NTRK2: variants seen among roughly 807,000 people sequenced by gnomAD.
NTRK2 encodes the protein BDNF/NT-3 growth factors receptor.
NTRK2 carries 13 observed loss-of-function variants against 94.5 expected under a neutral mutation model. The observed-to-expected ratio is 0.14, with a 90% CI of 0.09 to 0.22. The LOEUF is 0.22. Ranked by LOEUF, NTRK2 falls within the 10% of genes least tolerant of loss-of-function variation. NTRK2 has a pLI of 1.00. For missense variants in NTRK2, 639 were observed against 1,071.2 expected (o/e 0.60, Z 5.63); for synonymous variants, 372 against 407.4 (o/e 0.91, Z 1.05).
At chr9:84,682,371 A>G (rs1030088535) in intron 2 of NTRK2, among the ~76,000 whole-genome samples, 2 of 152,194 alleles carry the variant, frequency 1.3e-5, no homozygotes, top group African/African-American at 4.8e-5. Flanking sequence ...TCAGAAATGC[A>G]AGCAGCGCAA....
At chr9:84,684,595 G>A (rs976472985) in intron 2 of NTRK2, among the ~76,000 whole-genome samples, 9 of 152,122 alleles carry the variant, frequency 5.9e-5, no homozygotes, top group African/African-American at 2.2e-4. Flanking sequence ...ACATCATTTT[G>A]TTCTCCCACA....
chr9:84,724,461 T>A, intron 8 of NTRK2, 105 bp downstream of exon 8: 1 of 1,329,958 alleles, frequency 7.5e-7, no homozygotes, highest in Non-Finnish European at 1.1e-6. Context: ...TTAAAAAAAG[T>A]ATATGCAGTG....
chr9:84,858,260 G>C (rs1424829995), intron 12 of NTRK2, among the ~76,000 whole-genome samples: 2 of 151,884 alleles, frequency 1.3e-5, no homozygotes, highest in African/African-American at 4.8e-5. Flanking sequence ...CCATAATCCT[G>C]ATTTCACCCT....
chr9:84,898,102 C>T (rs527268967), intron 14 of NTRK2, among the ~76,000 whole-genome samples: 7 of 149,172 alleles, frequency 4.7e-5, no homozygotes, highest in Non-Finnish European at 8.9e-5. Context: ...GCTTTGAAAA[C>T]CATCTTTATA....
intron 12 of NTRK2, among the ~76,000 whole-genome samples, chr9:84,817,113 A>AGGCCAG (rs1164594849): frequency 9.9e-5 from 15 of 152,222 alleles, no homozygotes; most frequent in Non-Finnish European, 1.5e-4. Flanking sequence ...GCTCAGGTAA[A>AGGCCAG]GCCCTTGGCA....
At chr9:84,694,688 A>G (rs981484595) in intron 2 of NTRK2, among the ~76,000 whole-genome samples, 5 of 152,126 alleles carry the variant, frequency 3.3e-5, no homozygotes, top group African/African-American at 7.2e-5. Flanking sequence ...TATGAAAGAA[A>G]CCTTAGAGCA....
chr9:84,698,384 AAT>A (rs10568238), intron 2 of NTRK2, among the ~76,000 whole-genome samples: 84,552 of 149,924 alleles, frequency 0.56, 23,917 homozygotes, highest in East Asian at 0.67. Flanking sequence ...GATTTAATCT[AAT>A]ATATATATAT....
At position 85,025,247 on chromosome 9, in the gene NTRK2, A is replaced by G. The variant is rs1207979767; in HGVS notation, c.*3810A>G. On this transcript the variant is annotated 3_prime_UTR_variant, in exon 19 of 19. Transcript: ENST00000277120. The stretch of plus-strand genomic sequence containing the variant: ...TGCTTTCTCTGGCTCCTTGCAAAGA[A>G]AGATACTTTTTGTAATGGTCCAGGA... 8.6e-6 allele frequency: 2 copies of G among 233,104 alleles called. No homozygotes were observed. Among genetic ancestry groups the G allele is most frequent in the Non-Finnish European group, 1.7e-5 (2 of 117,996 alleles). 14.4% of individuals were successfully genotyped at this position (233,104 alleles called of 1,614,324 possible).
chr9:84,811,951 T>C, intron 12 of NTRK2: 1 of 942,566 alleles, frequency 1.1e-6, no homozygotes, highest in Non-Finnish European at 1.2e-6. Flanking sequence ...TCAGGAGGAC[T>C]TCAGAGCCAG....
chr9:84,751,598 G>C (rs553191308), intron 11 of NTRK2, among the ~76,000 whole-genome samples: 4 of 150,950 alleles, frequency 2.6e-5, no homozygotes, highest in Non-Finnish European at 5.9e-5. Flanking sequence ...CACACACACA[G>C]AAAAATCACC....
At chr9:84,671,080 T>C (rs2058672167) in intron 2 of NTRK2, 120 bp downstream of exon 2, 1 of 891,118 alleles carries the variant, frequency 1.1e-6, no homozygotes, top group Non-Finnish European at 1.8e-6. Flanking sequence ...AGACAAGGGA[T>C]GCAGGACAGG....
At chr9:84,706,514 ATTTTTTGTTTTTGT>A (rs1048347760) in intron 4 of NTRK2, among the ~76,000 whole-genome samples, 7 of 68,586 alleles carry the variant, frequency 1.0e-4, no homozygotes, top group Admixed American at 6.6e-4. Flanking sequence ...CATGTGTGTT[ATTTTTTGTTTTTGT>A]TTTTTTTTTT....
At chr9:84,811,819 A>G (rs182120265) in intron 12 of NTRK2, 3 of 1,065,330 alleles carry the variant, frequency 2.8e-6, no homozygotes, top group Non-Finnish European at 3.4e-6. Context: ...CACCTGTTTC[A>G]TTCACTTTAG....
At chr9:84,876,936 T>A (rs199539031) in intron 14 of NTRK2, 139 of 1,060,974 alleles carry the variant, frequency 1.3e-4, no homozygotes, top group Non-Finnish European at 1.5e-4. Context: ...GAATTCTACC[T>A]AGATTTTTAT....
intron 2 of NTRK2, 113 bp downstream of exon 2, chr9:84,671,073 C>A: frequency 9.9e-7 from 1 of 1,006,188 alleles, no homozygotes; most frequent in Non-Finnish European, 1.5e-6. Flanking sequence ...AAGTCAAAGA[C>A]AAGGGATGCA....
intron 12 of NTRK2, among the ~76,000 whole-genome samples, chr9:84,754,545 ATTACCAC>A (rs1233326897): frequency 1.3e-5 from 2 of 152,190 alleles, no homozygotes; most frequent in African/African-American, 2.4e-5. Context: ...TAGAGCTGAG[ATTACCAC>A]TGAAAAACAT....
At chr9:84,851,447 T>G (rs2074763806) in intron 12 of NTRK2, among the ~76,000 whole-genome samples, 3 of 152,248 alleles carry the variant, frequency 2.0e-5, no homozygotes, top group African/African-American at 7.2e-5. Context: ...TCCAATTATT[T>G]TTATTCAGCA....
At chr9:84,762,654 A>G (rs184481480) in intron 12 of NTRK2, among the ~76,000 whole-genome samples, 114 of 152,270 alleles carry the variant, frequency 7.5e-4, no homozygotes, top group Non-Finnish European at 1.2e-3. Flanking sequence ...GCAGACACCT[A>G]TCTCAGGCAC....
At chr9:84,926,193 T>C (rs1225939595) in intron 14 of NTRK2, among the ~76,000 whole-genome samples, 5 of 138,726 alleles carry the variant, frequency 3.6e-5, no homozygotes, top group East Asian at 2.1e-4. Context: ...TTTCTTTCTT[T>C]CTTTCTTTCT....
Sources: allele counts gnomAD v4.1 joint callset (sites outside exome capture counted in the v4.1 genomes callset), GRCh38; gene constraint gnomAD v4.1.1; transcripts MANE v1.5; gene names NCBI Gene and HGNC (gene_info 2026-07-23, HGNC 2026-07-21).